CHST6: variants seen among roughly 807,000 people sequenced by gnomAD.
CHST6 encodes N-acetylglucosamine 6-O-sulfotransferase 5.
For missense variants in CHST6, 698 were observed against 586.2 expected (o/e 1.19, Z -1.97); for synonymous variants, 309 against 276.4 (o/e 1.12, Z -1.17).
chr16:75,484,839 A>G (rs998792434), intron 1 of CHST6, among the ~76,000 whole-genome samples: 1 of 152,102 alleles, frequency 6.6e-6, no homozygotes, highest in Non-Finnish European at 1.5e-5. Flanking sequence ...GCGAGACTCC[A>G]TCTCAAAAAC....
chr16:75,494,057 C>T (rs936904667), intron 1 of CHST6, among the ~76,000 whole-genome samples: 1 of 152,144 alleles, frequency 6.6e-6, no homozygotes, highest in African/African-American at 2.4e-5. Flanking sequence ...GTTGGCCAGG[C>T]TGGTCTTGAA....
In CHST6 at chr16:75,491,910, GT is replaced by G. The variant is rs1287829306; in HGVS notation, c.-92+3029del. On this transcript the variant is annotated intron_variant, in intron 1 of 2. Coordinates refer to ENST00000332272, the MANE Select transcript of CHST6 (RefSeq NM_021615.5). ...AATTACCCGCTCTGCACTAAAAGGT[GT>G]CAGAGCTCCCATGCACACTCTCAAC... is the stretch of plus-strand genomic sequence containing the variant. 4.1e-4 allele frequency among the ~76,000 whole-genome samples: 63 copies of G among 152,328 alleles called. No homozygotes were observed. The East Asian group carries it at 0.012, about 28-fold the overall frequency.
At chr16:75,491,190 A>AAAATATATATATAT (rs1206595857) in intron 1 of CHST6, among the ~76,000 whole-genome samples, 23 of 50,060 alleles carry the variant, frequency 4.6e-4, no homozygotes, top group Non-Finnish European at 5.1e-4. Flanking sequence ...AAAAAAAAAA[A>AAAATATATATATAT]ATATATATAT....
At position 75,478,505 on chromosome 16, in the gene CHST6, C is replaced by T; in HGVS notation, c.*136G>A. The T allele has an allele frequency of 1.2e-6, 1 of 843,428 alleles. No individual in the cohort carries two copies. The highest frequency in any genetic ancestry group is 2.0e-6 in the Non-Finnish European group (1 of 506,066). The allele number at this position is 843,428 out of a possible 1,614,324, so 52.2% of individuals were successfully genotyped here. A position where few individuals can be genotyped will look rare whatever the true frequency, so the allele number is the denominator to read the frequency against. On this transcript the variant is annotated 3_prime_UTR_variant, in exon 3 of 3. Coordinates refer to ENST00000332272, the MANE Select transcript of CHST6 (RefSeq NM_021615.5). ...GAGAGAAAGAAACGTGCAGTCCTTG[C>T]CTACTTGGGGAGGGGGAGGGGTCGT... is the stretch of plus-strand genomic sequence containing the variant.
At chr16:75,481,396 C>T (rs1007856526) in intron 2 of CHST6, among the ~76,000 whole-genome samples, 2 of 152,014 alleles carry the variant, frequency 1.3e-5, no homozygotes, top group South Asian at 2.1e-4. Context: ...AGTTCGACAC[C>T]AACCTGGCCA....
At chr16:75,479,916 C>G (rs529888813) in intron 2 of CHST6, 72 bp from the exon 3 acceptor site, 14 of 1,313,090 alleles carry the variant, frequency 1.1e-5, no homozygotes, top group Non-Finnish European at 1.5e-5. Flanking sequence ...GCCCAGTGCC[C>G]GCAGGGGGCA....
rs1474427656 is a variant in CHST6 at position 75,472,439 on chromosome 16, T to G, written c.*6202A>C. 1 of 152,188 alleles carries G rather than the reference T, an allele frequency of 6.6e-6. No homozygotes were observed. Among genetic ancestry groups the G allele is most frequent in the Non-Finnish European group, 1.5e-5 (1 of 68,032 alleles). 9.4% of individuals were successfully genotyped at this position (152,188 alleles called of 1,614,324 possible). On this transcript the variant is annotated 3_prime_UTR_variant, in exon 3 of 3. Transcript: ENST00000332272. Reference sequence around the variant, plus strand: ...AGGCTGTGGTAAGTCAACAGCAACATGGGCACAGCCTTGAACAATGAAAAA... The same window carrying G: ...AGGCTGTGGTAAGTCAACAGCAACAGGGGCACAGCCTTGAACAATGAAAAA...
rs1363038026 is a variant in CHST6, at chr16:75,476,336, G to A, written c.*2305C>T. On this transcript the variant is annotated 3_prime_UTR_variant, in exon 3 of 3. Coordinates refer to ENST00000332272, the MANE Select transcript of CHST6 (RefSeq NM_021615.5). Reference sequence around the variant, plus strand: ...GGAGGCTGAGGTGGGCAGATCACTTGAGGTCAGGAGTTTGAGACCAACCTG... The same window carrying A: ...GGAGGCTGAGGTGGGCAGATCACTTAAGGTCAGGAGTTTGAGACCAACCTG... 2 of 151,480 alleles carry A rather than the reference G, an allele frequency of 1.3e-5. No homozygotes were observed. Among genetic ancestry groups the A allele is most frequent in the African/African-American group, 4.8e-5 (2 of 41,244 alleles). The allele number at this position is 151,480 out of a possible 1,614,324, so 9.4% of individuals were successfully genotyped here. A position where few individuals can be genotyped will look rare whatever the true frequency, so the allele number is the denominator to read the frequency against.
chr16:75,481,863 A>G lies in CHST6; in HGVS notation c.-63T>C, dbSNP rs371427598. 71 of 574,814 alleles carry G rather than the reference A, an allele frequency of 1.2e-4. No homozygotes were observed. In the East Asian group the frequency reaches 1.6e-3, roughly 13 times the overall value. The allele number at this position is 574,814 out of a possible 1,614,324, so 35.6% of individuals were successfully genotyped here. Reference sequence around the variant, plus strand: ...GAGCTGCAACGCTGATCACAAATCCATGGGAGATGATTAGAGGTTCCTCAG... The same window carrying G: ...GAGCTGCAACGCTGATCACAAATCCGTGGGAGATGATTAGAGGTTCCTCAG... On this transcript the variant is annotated 5_prime_UTR_variant, in exon 2 of 3. An upstream start codon of the reference 5' UTR is lost. Transcript: ENST00000332272.
At chr16:75,488,364 G>T (rs1006311959) in intron 1 of CHST6, among the ~76,000 whole-genome samples, 1 of 152,074 alleles carries the variant, frequency 6.6e-6, no homozygotes, top group South Asian at 2.1e-4. Flanking sequence ...CTACTCCAGA[G>T]GCTGAGGCAG....
chr16:75,491,165 TAAAAAAAAAAAAA>T lies in CHST6; in HGVS notation c.-92+3762_-92+3774del, dbSNP rs1168619782. On this transcript the variant is annotated intron_variant, in intron 1 of 2. Coordinates refer to ENST00000332272, the MANE Select transcript of CHST6 (RefSeq NM_021615.5). ...GGGTGACAAGAGTGAAACTCCGTCTTAAAAAAAAAAAAAAAAAAAAAAAAAATATATATATATA... is the reference window on the plus strand; with the variant it reads ...GGGTGACAAGAGTGAAACTCCGTCTTAAAAAAAAAAAAATATATATATATA... 8.0e-3 allele frequency among the ~76,000 whole-genome samples: 212 copies of T among 26,364 alleles called. 2 individuals are homozygous for T. The highest frequency in any genetic ancestry group is 0.024 in the African/African-American group (206 of 8,508). The allele number at this position is 26,364 out of a possible 152,430, so 17.3% of individuals were successfully genotyped here.
Position 75,479,800 on chromosome 16 carries a change from G to T in CHST6, c.29C>A (p.Ala10Glu), listed in dbSNP as rs779533315. MWLPRVSST[A>E]VTALLLAQTF... ...CTGCGCCAGGAGGAGCGCGGTCACT[G>T]CTGTGCTGGAGACGCGCGGCAGCCA... Residue 10 changes from alanine to glutamate, a missense_variant, in exon 3 of 3, where the codon GCA becomes GAA. Transcript: ENST00000332272. 3 of 1,575,772 alleles carry T rather than the reference G, an allele frequency of 1.9e-6. No homozygotes were observed. The highest frequency in any genetic ancestry group is 2.3e-5 in the East Asian group (1 of 43,358).
At chr16:75,493,515 T>G (rs1204621138) in intron 1 of CHST6, among the ~76,000 whole-genome samples, 1 of 119,028 alleles carries the variant, frequency 8.4e-6, no homozygotes, top group African/African-American at 3.9e-5. Context: ...AGACTCCGTA[T>G]CAAAAAAAAA....
chr16:75,487,960 C>T (rs1217105092), intron 1 of CHST6, among the ~76,000 whole-genome samples: 1 of 151,990 alleles, frequency 6.6e-6, no homozygotes, highest in Non-Finnish European at 1.5e-5. Context: ...CATGCCACTG[C>T]ACTCTAGCCT....
intron 1 of CHST6, among the ~76,000 whole-genome samples, chr16:75,487,145 C>CT (rs2080206482): frequency 6.6e-6 from 1 of 152,236 alleles, no homozygotes; most frequent in African/African-American, 2.4e-5. Flanking sequence ...GCCCACATGG[C>CT]TTTCTGCCGA....
chr16:75,494,725 T>C (rs1318745173), intron 1 of CHST6, among the ~76,000 whole-genome samples: 4 of 152,232 alleles, frequency 2.6e-5, no homozygotes, highest in African/African-American at 7.2e-5. Context: ...AGGATTCTCC[T>C]GCGCAGCCGA....
At chr16:75,488,199 C>G (rs533997350) in intron 1 of CHST6, among the ~76,000 whole-genome samples, 1 of 152,240 alleles carries the variant, frequency 6.6e-6, no homozygotes, top group East Asian at 1.9e-4. Context: ...CACGGTGGCT[C>G]ATGTCTATAA....
At chr16:75,491,499 AG>A (rs1454624240) in intron 1 of CHST6, among the ~76,000 whole-genome samples, 2 of 151,672 alleles carry the variant, frequency 1.3e-5, no homozygotes, top group Admixed American at 6.6e-5. Context: ...CCTCCTGAGT[AG>A]CTGGGACTAC....
At chr16:75,486,079 G>A (rs190918529) in intron 1 of CHST6, among the ~76,000 whole-genome samples, 2 of 152,272 alleles carry the variant, frequency 1.3e-5, no homozygotes, top group East Asian at 1.9e-4. Context: ...CATCAAACAA[G>A]CTCCATCTCT....
Sources: allele counts gnomAD v4.1 joint callset (sites outside exome capture counted in the v4.1 genomes callset), GRCh38; gene constraint gnomAD v4.1.1; transcripts MANE v1.5; gene names NCBI Gene and HGNC (gene_info 2026-07-23, HGNC 2026-07-21).